Variants in C12orf42 observed in about 807,000 individuals in gnomAD.
C12orf42 encodes the protein uncharacterized protein C12orf42.
Under a neutral mutation model 21.6 loss-of-function variants are expected in C12orf42, and 25 were observed. That is an observed-to-expected ratio of 1.16 (90% CI 0.84 to 1.62). C12orf42 has a LOEUF of 1.62. Among genes scored for constraint, C12orf42 ranks in the 40% most tolerant of loss-of-function variants. The pLI, the probability that C12orf42 is intolerant of heterozygous loss-of-function variation, is 0.00. For missense variants in C12orf42, 483 were observed against 459.3 expected (o/e 1.05, Z -0.47); for synonymous variants, 174 against 175.0 (o/e 0.99, Z 0.05).
At chr12:103,436,222 G>A (rs1394769186) in intron 2 of C12orf42, among the ~76,000 whole-genome samples, 2 of 148,872 alleles carry the variant, frequency 1.3e-5, no homozygotes, top group Non-Finnish European at 3.0e-5. Context: ...GTCACCACCA[G>A]GCCTGCCCTA....
the C12orf42 span, among the ~76,000 whole-genome samples, chr12:103,068,945 A>C: frequency 2.0e-3 from 48 of 24,182 alleles, 1 homozygote; most frequent in Non-Finnish European, 3.0e-3. Context: ...ATATATATAT[A>C]TATATATATA....
chr12:103,438,321 G>A (rs1950911474), intron 2 of C12orf42, among the ~76,000 whole-genome samples: 1 of 151,972 alleles, frequency 6.6e-6, no homozygotes, highest in Admixed American at 6.6e-5. Flanking sequence ...GCAAAAACTG[G>A]AAGCATTCCC....
At chr12:103,446,203 C>T (rs1400809772) in intron 2 of C12orf42, among the ~76,000 whole-genome samples, 1 of 151,944 alleles carries the variant, frequency 6.6e-6, no homozygotes, top group Non-Finnish European at 1.5e-5. Flanking sequence ...GATTGGGGTC[C>T]TATTTTTAGC....
At chr12:103,170,686 ATC>A in the C12orf42 span, among the ~76,000 whole-genome samples, 2 of 152,032 alleles carry the variant, frequency 1.3e-5, no homozygotes, top group South Asian at 2.1e-4. Flanking sequence ...GTGTCCTGCC[ATC>A]TCTCTCTCTT....
upstream of C12orf42, among the ~76,000 whole-genome samples, chr12:103,500,034 C>T (rs909784618): frequency 2.1e-4 from 32 of 152,170 alleles, no homozygotes; most frequent in Admixed American, 6.5e-4. Flanking sequence ...ACCTCTGGCA[C>T]GTCTAAGTTT....
intron 4 of C12orf42, among the ~76,000 whole-genome samples, chr12:103,361,100 G>A (rs1395921344): frequency 6.6e-6 from 1 of 152,104 alleles, no homozygotes; most frequent in Non-Finnish European, 1.5e-5. Context: ...TTACTCCAGA[G>A]CTACTGCAGA....
the C12orf42 span, among the ~76,000 whole-genome samples, chr12:103,098,657 T>G: frequency 6.6e-6 from 1 of 152,148 alleles, no homozygotes; most frequent in Non-Finnish European, 1.5e-5. Context: ...AGCCCATGTA[T>G]GAGTTAGTGA....
the C12orf42 span, among the ~76,000 whole-genome samples, chr12:103,227,696 G>A: frequency 5.7e-4 from 86 of 152,160 alleles, no homozygotes; most frequent in Admixed American, 5.6e-3. Context: ...AGGCATCCCT[G>A]TGTGGTCTGA....
chr12:103,523,040 T>C, the C12orf42 span, among the ~76,000 whole-genome samples: 2 of 152,236 alleles, frequency 1.3e-5, no homozygotes, highest in Non-Finnish European at 2.9e-5. Context: ...CAAGATTGAA[T>C]GATGTCAGTC....
At chr12:103,356,572 T>C (rs890719367) in intron 4 of C12orf42, among the ~76,000 whole-genome samples, 2 of 151,852 alleles carry the variant, frequency 1.3e-5, no homozygotes, top group African/African-American at 4.8e-5. Context: ...ATGGTATTTC[T>C]AGTTCTAGAT....
the C12orf42 span, among the ~76,000 whole-genome samples, chr12:103,169,916 G>C: frequency 6.6e-6 from 1 of 152,068 alleles, no homozygotes; most frequent in Admixed American, 6.6e-5. Context: ...AATAAGCTCT[G>C]GTACTGGACT....
the C12orf42 span, among the ~76,000 whole-genome samples, chr12:103,099,891 T>C: frequency 6.6e-6 from 1 of 152,176 alleles, no homozygotes; most frequent in South Asian, 2.1e-4. Context: ...AGAACATGCA[T>C]CTCTTGAGTA....
the C12orf42 span, among the ~76,000 whole-genome samples, chr12:103,520,379 T>C: frequency 6.6e-6 from 1 of 152,140 alleles, no homozygotes; most frequent in Non-Finnish European, 1.5e-5. Flanking sequence ...TCCCAGAATA[T>C]CTATTTTTTA....
At chr12:103,336,492 A>C (rs963497870) in intron 4 of C12orf42, among the ~76,000 whole-genome samples, 1 of 152,210 alleles carries the variant, frequency 6.6e-6, no homozygotes, top group African/African-American at 2.4e-5. Flanking sequence ...GTGAGGAGAG[A>C]GGAAAAAATA....
At chr12:103,164,127 T>C in the C12orf42 span, among the ~76,000 whole-genome samples, 2 of 152,232 alleles carry the variant, frequency 1.3e-5, no homozygotes, top group Non-Finnish European at 2.9e-5. Flanking sequence ...GTATCGTTTC[T>C]CTTCTCAAAA....
chr12:103,074,903 T>C, the C12orf42 span, among the ~76,000 whole-genome samples: 3 of 152,030 alleles, frequency 2.0e-5, no homozygotes. Context: ...CTGGGCAACA[T>C]AGGGAGACTT....
rs145569953 is a variant in C12orf42 at position 103,447,957 on chromosome 12, G to C, written c.78+30392C>G. 5.5e-3 allele frequency among the ~76,000 whole-genome samples: 836 copies of C among 151,794 alleles called. 12 individuals carry two copies. The highest frequency in any genetic ancestry group is 0.019 in the African/African-American group (789 of 41,418). Reference sequence around the variant, plus strand: ...AGAAAAAAACAATATTATAATTCATGTGGAACCAAAAAAGAGCCCACATAG... The same window carrying C: ...AGAAAAAAACAATATTATAATTCATCTGGAACCAAAAAAGAGCCCACATAG... On this transcript the variant is annotated intron_variant, in intron 2 of 5. Coordinates refer to ENST00000548883, the MANE Select transcript of C12orf42 (RefSeq NM_198521.5).
At chr12:103,344,693 G>T (rs928092261) in intron 4 of C12orf42, among the ~76,000 whole-genome samples, 1 of 152,176 alleles carries the variant, frequency 6.6e-6, no homozygotes, top group African/African-American at 2.4e-5. Context: ...TGGAAAGTCT[G>T]GTGACCTGGG....
chr12:103,533,390 T>G, the C12orf42 span, among the ~76,000 whole-genome samples: 2 of 152,218 alleles, frequency 1.3e-5, no homozygotes, highest in African/African-American at 4.8e-5. Context: ...TCTTTCTGGT[T>G]GCTCTCGTCC....
Sources: gnomAD v4.1 joint callset for allele counts (sites outside exome capture counted in the v4.1 genomes callset) on GRCh38, gnomAD v4.1.1 for gene constraint, MANE v1.5 for transcripts, NCBI Gene and HGNC (gene_info 2026-07-23, HGNC 2026-07-21) for gene names.